PPP1R16B: variants seen among roughly 807,000 people sequenced by gnomAD.
The protein encoded by PPP1R16B is protein phosphatase 1 regulatory subunit 16B.
PPP1R16B carries 14 observed loss-of-function variants against 61.7 expected under a neutral mutation model. The ratio of observed to expected loss-of-function variants is 0.23; its 90% CI spans 0.15 to 0.35. The LOEUF is 0.35. Among genes scored for constraint, PPP1R16B ranks in the 10% least tolerant of loss-of-function variants. PPP1R16B has a pLI of 1.00. For missense variants in PPP1R16B, 547 were observed against 752.5 expected, an observed-to-expected ratio of 0.73 and a Z score of 3.19; for synonymous variants, 266 against 305.3, an observed-to-expected ratio of 0.87 and a Z score of 1.34.
rs1351137485 is a variant in PPP1R16B at position 38,907,945 on chromosome 20, G to T, written c.1028+10G>T. On this transcript the variant is annotated intron_variant, in intron 9 of 10. Transcript: ENST00000299824. The surrounding 1 kb of genome is among the most constrained non-coding windows in gnomAD (Gnocchi z 4.5). ...GCGCAGGCAGCCGTGGGTGAGTCCGGGGCAGGGCAGCCAGGAGTCCCTGTG... is the reference window on the plus strand; with the variant it reads ...GCGCAGGCAGCCGTGGGTGAGTCCGTGGCAGGGCAGCCAGGAGTCCCTGTG... The T allele has an allele frequency of 1.9e-6, 3 of 1,614,118 alleles. No individual in the cohort carries two copies. The highest frequency in any genetic ancestry group is 2.5e-6 in the Non-Finnish European group (3 of 1,180,002).
intron 2 of PPP1R16B, among the ~76,000 whole-genome samples, chr20:38,852,747 CTTTTTTTT>C (rs1185726609): frequency 3.2e-5 from 1 of 31,498 alleles, no homozygotes; most frequent in African/African-American, 1.5e-4. Flanking sequence ...CCACTGTTTC[CTTTTTTTT>C]TTTTTTTTTT....
chr20:38,822,021 ACAT>A (rs1190155476), intron 1 of PPP1R16B, among the ~76,000 whole-genome samples: 9 of 147,454 alleles, frequency 6.1e-5, no homozygotes, highest in Admixed American at 2.7e-4. Context: ...TATTATATTT[ACAT>A]TATATATAAT....
At chr20:38,848,938 G>A (rs1301400971) in intron 2 of PPP1R16B, among the ~76,000 whole-genome samples, 1 of 152,134 alleles carries the variant, frequency 6.6e-6, no homozygotes, top group Non-Finnish European at 1.5e-5. Context: ...TAACACACCT[G>A]CACTTGTACC....
intron 3 of PPP1R16B, among the ~76,000 whole-genome samples, chr20:38,894,576 T>C (rs139498200): frequency 3.3e-5 from 5 of 152,308 alleles, no homozygotes; most frequent in Non-Finnish European, 7.4e-5. Context: ...ATGTCTCCCA[T>C]TGCACTGATG....
intron 5 of PPP1R16B, among the ~76,000 whole-genome samples, chr20:38,901,900 A>G (rs1439807231): frequency 1.3e-5 from 2 of 152,256 alleles, no homozygotes; most frequent in Non-Finnish European, 2.9e-5. Flanking sequence ...CACTGCTAAC[A>G]CTACTGTGGG....
chr20:38,835,789 C>A, intron 1 of PPP1R16B, 36 bp from the exon 2 acceptor site: 1 of 1,064,074 alleles, frequency 9.4e-7, no homozygotes, highest in Non-Finnish European at 1.3e-6. Context: ...TGGAGTCTGA[C>A]ACATGTGTTC....
intron 2 of PPP1R16B, among the ~76,000 whole-genome samples, chr20:38,875,589 C>A (rs573130959): frequency 6.6e-6 from 1 of 152,266 alleles, no homozygotes; most frequent in African/African-American, 2.4e-5. Flanking sequence ...ATCAAACACC[C>A]GCAAACAAAA....
Position 38,920,762 on chromosome 20 carries a change from G to C in PPP1R16B, c.*2096G>C. ...AGGCGGCCCAGGAGGCTGAAGACAG[G>C]TGCACAGATGCTTCCCACGACCTTG... On this transcript the variant is annotated 3_prime_UTR_variant, in exon 11 of 11. Transcript: ENST00000299824. The C allele has an allele frequency of 6.6e-6, 1 of 152,596 alleles. No individual in the cohort carries two copies. Among genetic ancestry groups the C allele is most frequent in the Non-Finnish European group, 1.5e-5 (1 of 68,368 alleles). The allele number at this position is 152,596 out of a possible 1,614,324, so 9.5% of individuals were successfully genotyped here.
intron 2 of PPP1R16B, among the ~76,000 whole-genome samples, chr20:38,884,279 A>G (rs1015596265): frequency 6.6e-6 from 1 of 152,158 alleles, no homozygotes; most frequent in Non-Finnish European, 1.5e-5. Context: ...CTATGATGAG[A>G]ACAGTGCAAG....
intron 1 of PPP1R16B, among the ~76,000 whole-genome samples, chr20:38,829,440 A>T (rs929403996): frequency 6.6e-6 from 1 of 152,130 alleles, no homozygotes; most frequent in African/African-American, 2.4e-5. Context: ...GGGCCCATGT[A>T]TCCCATTCTC....
rs1491391416 is a variant in PPP1R16B at position 38,813,764 on chromosome 20, C to CATTATT, written c.-102+7974_-102+7975insTATTAT. 1.1e-3 allele frequency among the ~76,000 whole-genome samples: 150 copies of CATTATT among 132,760 alleles called. 1 individual carries two copies. The highest frequency in any genetic ancestry group is 2.9e-3 in the African/African-American group (98 of 33,820). The allele number at this position is 132,760 out of a possible 152,430, so 87.1% of individuals were successfully genotyped here. ...CTCTAAGGGGTGACATCATCATCATCATCATTATTATTATTATTATTATTA... is the reference window on the plus strand; with the variant it reads ...CTCTAAGGGGTGACATCATCATCATCATTATTATCATTATTATTATTATTATTATTA... On this transcript the variant is annotated intron_variant, in intron 1 of 10. Coordinates refer to ENST00000299824, the MANE Select transcript of PPP1R16B (RefSeq NM_015568.4).
In PPP1R16B at chr20:38,920,659, G is replaced by T. The variant is rs2085588646; in HGVS notation, c.*1993G>T. On this transcript the variant is annotated 3_prime_UTR_variant, in exon 11 of 11. Coordinates refer to ENST00000299824, the MANE Select transcript of PPP1R16B (RefSeq NM_015568.4). ...GGGAGTGACTGCACCCTTGGTGGCT[G>T]CTGGAAGGGGAGAGGTTCTCAGCAT... The T allele has an allele frequency of 6.6e-6, 1 of 152,468 alleles. No individual in the cohort carries two copies. Among genetic ancestry groups the T allele is most frequent in the African/African-American group, 2.4e-5 (1 of 41,466 alleles). The allele number at this position is 152,468 out of a possible 1,614,324, so 9.4% of individuals were successfully genotyped here. A position where few individuals can be genotyped will look rare whatever the true frequency, so the allele number is the denominator to read the frequency against.
intron 1 of PPP1R16B, among the ~76,000 whole-genome samples, chr20:38,816,227 G>A (rs998219148): frequency 5.3e-5 from 8 of 152,188 alleles, no homozygotes; most frequent in African/African-American, 1.9e-4. Context: ...AGCCTGTGGG[G>A]AAACCCAGCT....
intron 2 of PPP1R16B, among the ~76,000 whole-genome samples, chr20:38,838,858 T>A (rs1227471022): frequency 6.6e-6 from 1 of 152,178 alleles, no homozygotes; most frequent in Non-Finnish European, 1.5e-5. Context: ...AGTGGAGGGA[T>A]CAGTGCCCCG....
intron 10 of PPP1R16B, among the ~76,000 whole-genome samples, chr20:38,909,028 G>T (rs545991903): frequency 2.0e-5 from 3 of 151,964 alleles, no homozygotes; most frequent in Admixed American, 6.6e-5. Flanking sequence ...TTGAGACAGG[G>T]TCTTGCTCTG....
intron 4 of PPP1R16B, among the ~76,000 whole-genome samples, chr20:38,897,493 G>A (rs1026120635): frequency 6.6e-6 from 1 of 152,124 alleles, no homozygotes; most frequent in African/African-American, 2.4e-5. Context: ...TTTCACTTAT[G>A]CATCCATTCA....
intron 10 of PPP1R16B, among the ~76,000 whole-genome samples, chr20:38,908,930 T>TCTAG (rs1315219119): frequency 6.6e-6 from 1 of 152,206 alleles, no homozygotes; most frequent in Non-Finnish European, 1.5e-5. Flanking sequence ...TAGCAATGAT[T>TCTAG]CTAGTCTCTG....
intron 2 of PPP1R16B, among the ~76,000 whole-genome samples, chr20:38,867,021 C>T (rs2085095106): frequency 6.6e-6 from 1 of 152,196 alleles, no homozygotes; most frequent in Non-Finnish European, 1.5e-5. Flanking sequence ...CTTTTCGTGT[C>T]TGGCTTCTTT....
At chr20:38,866,227 C>G (rs1294670639) in intron 2 of PPP1R16B, among the ~76,000 whole-genome samples, 1 of 152,120 alleles carries the variant, frequency 6.6e-6, no homozygotes, top group African/African-American at 2.4e-5. Flanking sequence ...AGGCAATGGG[C>G]CCCTGGGGAA....
Sources: allele counts gnomAD v4.1 joint callset (sites outside exome capture counted in the v4.1 genomes callset), GRCh38; gene constraint gnomAD v4.1.1; non-coding constraint Gnocchi (gnomAD v3.1); transcripts MANE v1.5; gene names NCBI Gene and HGNC (gene_info 2026-07-23, HGNC 2026-07-21).